The following ANKRD31 variants were observed in gnomAD, a reference collection of about 807,000 sequenced individuals.
ANKRD31 encodes the protein ankyrin repeat domain-containing protein 31.
ANKRD31 carries 147 observed loss-of-function variants against 186.0 expected under a neutral mutation model. The ratio of observed to expected loss-of-function variants is 0.79; its 90% CI spans 0.69 to 0.91. The LOEUF is 0.91. ANKRD31 is among the 40% of genes least tolerant of loss of function. ANKRD31 has a pLI of 0.00. For missense variants in ANKRD31, 1,986 were observed against 2,148.8 expected (o/e 0.92, Z 1.50); for synonymous variants, 673 against 736.4 (o/e 0.91, Z 1.39).
intron 12 of ANKRD31, among the ~76,000 whole-genome samples, chr5:75,149,505 C>T (rs1395292670): frequency 6.6e-6 from 1 of 151,864 alleles, no homozygotes; most frequent in Non-Finnish European, 1.5e-5. Flanking sequence ...TCACATTATA[C>T]AGGTGAAAAA....
At chr5:75,072,793 T>A (rs1411769600) in intron 25 of ANKRD31, among the ~76,000 whole-genome samples, 9 of 152,196 alleles carry the variant, frequency 5.9e-5, no homozygotes. Flanking sequence ...ATGCCAATTT[T>A]GGTATCATTT....
In ANKRD31 at chr5:75,236,659, A is replaced by G. The variant is rs780586225; in HGVS notation, c.28T>C (p.Trp10Arg). ...TCTATCACAGTTTCATCACTGTCCCAGTCTGGGGCCTGGACGCCTTCCTCC... is the reference window on the plus strand; with the variant it reads ...TCTATCACAGTTTCATCACTGTCCCGGTCTGGGGCCTGGACGCCTTCCTCC... Reference protein sequence around the residue: MEEGVQAPDWDSDETVIEGS... With the variant: MEEGVQAPDRDSDETVIEGS... The change falls in exon 1 of 26, where the codon TGG becomes CGG. Residue 10 changes from tryptophan (W) to arginine (R), a missense_variant. Trp to Arg is a moderately radical substitution (Grantham distance 101). Coordinates refer to ENST00000506364, the MANE Select transcript of ANKRD31 (RefSeq NM_001372053.1). 4.6e-6 allele frequency: 7 copies of G among 1,536,714 alleles called. No homozygotes were observed. In the South Asian group the frequency reaches 8.3e-5, roughly 18 times the overall value.
Position 75,195,890 on chromosome 5 carries a change from TTCA to T in ANKRD31, c.755_757del (p.Met252del), listed in dbSNP as rs10563854. On this transcript the variant is annotated inframe_deletion, in exon 7 of 26. Transcript: ENST00000506364. ...GGAACTAAGAGAGTCACTCAATGGG[TTCA>T]TCAATTCTTTACGATCAAAATCACT... 614,966 of 1,535,960 alleles carry T rather than the reference TTCA, an allele frequency of 0.4. 132,595 individuals are homozygous for T. The highest frequency in any genetic ancestry group is 0.82 in the African/African-American group (59,750 of 72,888).
chr5:75,183,041 A>T (rs376823049), intron 10 of ANKRD31, among the ~76,000 whole-genome samples: 2 of 152,230 alleles, frequency 1.3e-5, no homozygotes, highest in African/African-American at 4.8e-5. Context: ...TCAACAGTAC[A>T]TTAAAAAGAT....
chr5:75,224,132 TA>T (rs35407361), intron 2 of ANKRD31, among the ~76,000 whole-genome samples: 6 of 12,010 alleles, frequency 5.0e-4, no homozygotes, highest in Admixed American at 8.1e-4. Flanking sequence ...GAAATAATTA[TA>T]TATATATATA....
intron 17 of ANKRD31, among the ~76,000 whole-genome samples, chr5:75,131,385 C>T (rs1749817625): frequency 6.6e-6 from 1 of 152,152 alleles, no homozygotes; most frequent in African/African-American, 2.4e-5. Context: ...GTCAGAGGGT[C>T]CCACGCCCAC....
intron 22 of ANKRD31, among the ~76,000 whole-genome samples, chr5:75,098,839 G>A (rs1170602337): frequency 3.3e-5 from 5 of 151,850 alleles, no homozygotes; most frequent in African/African-American, 1.2e-4. Flanking sequence ...GGGCTGAGAT[G>A]ATGGGTTTTC....
intron 17 of ANKRD31, among the ~76,000 whole-genome samples, chr5:75,134,078 G>C (rs1220013761): frequency 1.3e-5 from 2 of 151,848 alleles, no homozygotes; most frequent in East Asian, 3.9e-4. Context: ...GATCAAAATA[G>C]ACACCCTAAC....
At chr5:75,133,832 A>T (rs61880887) in intron 17 of ANKRD31, among the ~76,000 whole-genome samples, 1 of 152,208 alleles carries the variant, frequency 6.6e-6, no homozygotes, top group African/African-American at 2.4e-5. Flanking sequence ...ACCACAGTGC[A>T]ATCAAACTAG....
intron 23 of ANKRD31, among the ~76,000 whole-genome samples, chr5:75,088,188 T>C (rs1745644989): frequency 6.6e-6 from 1 of 152,166 alleles, no homozygotes; most frequent in Non-Finnish European, 1.5e-5. Flanking sequence ...CCTTTCCATA[T>C]CTTGATATTC....
intron 22 of ANKRD31, among the ~76,000 whole-genome samples, chr5:75,101,720 G>T (rs1217865714): frequency 6.6e-6 from 1 of 152,156 alleles, no homozygotes; most frequent in Non-Finnish European, 1.5e-5. Context: ...GATCAAATGG[G>T]CTACTGAAGC....
At chr5:75,234,509 T>C (rs1006900706) in intron 1 of ANKRD31, among the ~76,000 whole-genome samples, 8 of 152,220 alleles carry the variant, frequency 5.3e-5, no homozygotes, top group Non-Finnish European at 7.3e-5. Context: ...GACTGGACAA[T>C]AGTGTAAGAT....
intron 22 of ANKRD31, among the ~76,000 whole-genome samples, chr5:75,101,738 T>A (rs186148281): frequency 6.6e-6 from 1 of 152,224 alleles, no homozygotes; most frequent in Admixed American, 6.5e-5. Context: ...AGCTTGTGCA[T>A]GCGTCACGTA....
intron 22 of ANKRD31, among the ~76,000 whole-genome samples, chr5:75,091,933 T>G (rs562765601): frequency 3.3e-5 from 5 of 151,840 alleles, no homozygotes; most frequent in Non-Finnish European, 7.4e-5. Context: ...TTGCCTTGGC[T>G]TGTAAGGTGG....
chr5:75,229,701 C>T (rs1399454834), intron 2 of ANKRD31, among the ~76,000 whole-genome samples: 1 of 151,792 alleles, frequency 6.6e-6, no homozygotes, highest in Non-Finnish European at 1.5e-5. Context: ...CCCGTCTCTA[C>T]TAAAAATACA....
At chr5:75,219,578 C>G in intron 3 of ANKRD31, among the ~76,000 whole-genome samples, 1 of 152,116 alleles carries the variant, frequency 6.6e-6, no homozygotes, top group East Asian at 1.9e-4. Context: ...TTAAAATGGG[C>G]ATATCAACCA....
At chr5:75,113,981 A>C (rs1353338099) in intron 19 of ANKRD31, among the ~76,000 whole-genome samples, 1 of 152,172 alleles carries the variant, frequency 6.6e-6, no homozygotes, top group East Asian at 1.9e-4. Context: ...AGATGTACTC[A>C]GTCTCGGACA....
At chr5:75,083,980 A>T (rs1296529058) in intron 24 of ANKRD31, among the ~76,000 whole-genome samples, 1 of 152,238 alleles carries the variant, frequency 6.6e-6, no homozygotes, top group Non-Finnish European at 1.5e-5. Flanking sequence ...GACAGATAGC[A>T]GACTGGTGGT....
intron 23 of ANKRD31, among the ~76,000 whole-genome samples, chr5:75,085,205 C>A (rs1214239274): frequency 6.6e-6 from 1 of 152,118 alleles, no homozygotes; most frequent in East Asian, 1.9e-4. Context: ...TGTCATGGTA[C>A]TTACCTCATA....
Sources: gnomAD v4.1 joint callset for allele counts (sites outside exome capture counted in the v4.1 genomes callset) on GRCh38, gnomAD v4.1.1 for gene constraint, MANE v1.5 for transcripts, NCBI Gene and HGNC (gene_info 2026-07-23, HGNC 2026-07-21) for gene names.